Variants in STX7 observed in about 807,000 individuals in gnomAD.
The protein encoded by STX7 is syntaxin-7.
A neutral mutation model predicts 39.6 loss-of-function variants in STX7; 34 were observed. That is an observed-to-expected ratio of 0.86 (90% confidence interval 0.65 to 1.14). The LOEUF (loss-of-function observed/expected upper bound fraction) is 1.14. Ranked by LOEUF, STX7 falls within the 50% of genes most tolerant of loss-of-function variation. STX7 has a pLI of 0.00. For missense variants in STX7, 284 were observed against 310.4 expected, an observed-to-expected ratio of 0.92 and a Z score of 0.64; for synonymous variants, 119 against 99.1, an observed-to-expected ratio of 1.20 and a Z score of -1.19.
chr6:132,479,987 A>C (rs1320838241), intron 2 of STX7, among the ~76,000 whole-genome samples: 1 of 152,062 alleles, frequency 6.6e-6, no homozygotes, highest in Non-Finnish European at 1.5e-5. Context: ...ATCTTGGAGG[A>C]GGCAGAATTT....
intron 2 of STX7, among the ~76,000 whole-genome samples, chr6:132,476,513 G>A (rs1204433278): frequency 2.0e-5 from 3 of 152,046 alleles, no homozygotes; most frequent in African/African-American, 7.2e-5. Context: ...ATACCCAAAA[G>A]ACACTGTATG....
At position 132,474,355 on chromosome 6, in the gene STX7, T is replaced by C. The variant is rs73776239; in HGVS notation, c.155+1238A>G. The stretch of plus-strand genomic sequence containing the variant: ...ACTTCTATTCCATTTTACTTTAGTT[T>C]AATGAATTGTGGTTTATTATTTAGA... On this transcript the variant is annotated intron_variant, in intron 3 of 9. Coordinates refer to ENST00000367941, the MANE Select transcript of STX7 (RefSeq NM_003569.3). Among the ~76,000 whole-genome samples, 489 of 152,292 alleles carry C rather than the reference T, an allele frequency of 3.2e-3. 2 individuals carry two copies. Among genetic ancestry groups the C allele is most frequent in the African/African-American group, 0.011 (456 of 41,570 alleles).
At chr6:132,489,186 G>T (rs943214312) in intron 2 of STX7, among the ~76,000 whole-genome samples, 2 of 131,316 alleles carry the variant, frequency 1.5e-5, no homozygotes, top group East Asian at 2.5e-4. Flanking sequence ...GGGCAACAGA[G>T]TGGGACTCTG....
At position 132,451,132 on chromosome 6, in the gene STX7, C is replaced by A. The variant is rs945109725; in HGVS notation, c.*9626G>T. On this transcript the variant is annotated 3_prime_UTR_variant, in exon 10 of 10. Coordinates refer to ENST00000367941, the MANE Select transcript of STX7 (RefSeq NM_003569.3). ...TTTTTTTTTGACAAGGAGTCTCGTT[C>A]TGTTGCTCAGACTGGAGTACAGTGG... The A allele has an allele frequency of 1.4e-5, 2 of 145,024 alleles. No homozygotes were observed. The highest frequency in any genetic ancestry group is 5.2e-5 in the African/African-American group (2 of 38,418). The allele number at this position is 145,024 out of a possible 1,614,324, so 9.0% of individuals were successfully genotyped here.
chr6:132,495,206 C>T (rs1329331185), intron 2 of STX7, among the ~76,000 whole-genome samples: 4 of 152,102 alleles, frequency 2.6e-5, no homozygotes, highest in South Asian at 2.1e-4. Flanking sequence ...CACTCATATC[C>T]GGCCATAAAC....
chr6:132,483,829 T>C (rs9483462), intron 2 of STX7, among the ~76,000 whole-genome samples: 2,427 of 152,232 alleles, frequency 0.016, 51 homozygotes, highest in African/African-American at 0.053. Flanking sequence ...AGGTTTCTAG[T>C]CAGATGACAA....
chr6:132,447,610 T>C lies in STX7; in HGVS notation c.*13148A>G, dbSNP rs1774042232. ...TTACTTTAATAACTTTGTTTAGAAC[T>C]GTTATACCTACTTCAGTTGAAATTT... On this transcript the variant is annotated 3_prime_UTR_variant, in exon 10 of 10. Transcript: ENST00000367941. 1 of 152,150 alleles carries C rather than the reference T, an allele frequency of 6.6e-6. No individual in the cohort carries two copies. Among genetic ancestry groups the C allele is most frequent in the Non-Finnish European group, 1.5e-5 (1 of 67,996 alleles). The allele number at this position is 152,150 out of a possible 1,614,324, so 9.4% of individuals were successfully genotyped here.
chr6:132,471,628 T>A (rs1203866697), intron 4 of STX7, 28 bp from the exon 5 acceptor site: 8 of 1,605,866 alleles, frequency 5.0e-6, no homozygotes, highest in Admixed American at 1.7e-5. Flanking sequence ...AAAAGCCAAC[T>A]AGAATCTAGC....
At chr6:132,480,648 T>C (rs917057874) in intron 2 of STX7, among the ~76,000 whole-genome samples, 3 of 152,136 alleles carry the variant, frequency 2.0e-5, no homozygotes, top group Non-Finnish European at 4.4e-5. Flanking sequence ...GGCCTGATAA[T>C]ACTGCCATCT....
At chr6:132,497,453 G>A (rs1775445124) in intron 2 of STX7, among the ~76,000 whole-genome samples, 1 of 152,172 alleles carries the variant, frequency 6.6e-6, no homozygotes, top group Non-Finnish European at 1.5e-5. Context: ...ACTAAGGAAT[G>A]TTCTATTTCT....
chr6:132,513,335 CTTCT>C (rs1018207488), upstream of STX7: 65 of 152,270 alleles, frequency 4.3e-4, no homozygotes, highest in African/African-American at 1.4e-3. Flanking sequence ...GGACAGTTGT[CTTCT>C]TTATCTGGTG....
chr6:132,463,051 A>C (rs1308870096), intron 9 of STX7, among the ~76,000 whole-genome samples: 2 of 151,978 alleles, frequency 1.3e-5, no homozygotes, highest in Non-Finnish European at 2.9e-5. Flanking sequence ...GCAAAACTCT[A>C]TCTCTACAAA....
Position 132,454,447 on chromosome 6 carries a change from A to T in STX7, c.*6311T>A, listed in dbSNP as rs1049641774. On this transcript the variant is annotated 3_prime_UTR_variant, in exon 10 of 10. Transcript: ENST00000367941. ...TTTTGAAAGATGTTCACTGTGTGGGAAACAAAGTGAAAGGTACACGAAAGA... is the reference window on the plus strand; with the variant it reads ...TTTTGAAAGATGTTCACTGTGTGGGTAACAAAGTGAAAGGTACACGAAAGA... 1 of 152,164 alleles carries T rather than the reference A, an allele frequency of 6.6e-6. No homozygotes were observed. Among genetic ancestry groups the T allele is most frequent in the Non-Finnish European group, 1.5e-5 (1 of 68,016 alleles). The allele number at this position is 152,164 out of a possible 1,614,324, so 9.4% of individuals were successfully genotyped here.
rs1349935252 is a variant in STX7, at chr6:132,450,989, C to G, written c.*9769G>C. The G allele has an allele frequency of 6.6e-6, 1 of 151,452 alleles. No individual in the cohort carries two copies. The highest frequency in any genetic ancestry group is 1.5e-5 in the Non-Finnish European group (1 of 67,896). 9.4% of individuals were successfully genotyped at this position (151,452 alleles called of 1,614,324 possible). ...TACATCATGGTTAAACAACTAAAAACTAAACACAAAGGAAAAAAAGAAAAA... is the reference window on the plus strand; with the variant it reads ...TACATCATGGTTAAACAACTAAAAAGTAAACACAAAGGAAAAAAAGAAAAA... On this transcript the variant is annotated 3_prime_UTR_variant, in exon 10 of 10. Coordinates refer to ENST00000367941, the MANE Select transcript of STX7 (RefSeq NM_003569.3).
At chr6:132,464,285 G>A (rs1036937773) in intron 8 of STX7, among the ~76,000 whole-genome samples, 1 of 152,132 alleles carries the variant, frequency 6.6e-6, no homozygotes, top group African/African-American at 2.4e-5. Flanking sequence ...CAATATAAGA[G>A]CATTTGTATA....
chr6:132,507,049 A>C (rs1340041622), intron 1 of STX7, among the ~76,000 whole-genome samples: 1 of 152,256 alleles, frequency 6.6e-6, no homozygotes, highest in African/African-American at 2.4e-5. Flanking sequence ...GAAATGACTC[A>C]GAAAAAAGTC....
rs572710773 is a variant in STX7 at position 132,507,528 on chromosome 6, C to T, written c.-58-3940G>A. Among the ~76,000 whole-genome samples the T allele has an allele frequency of 2.6e-5, 4 of 152,312 alleles. No homozygotes were observed. The South Asian group carries it at 6.2e-4, about 24-fold the overall frequency. On this transcript the variant is annotated intron_variant, in intron 1 of 9. Transcript: ENST00000367941. ...TCTACTTTGTATCTTTATAGCTTTG[C>T]TATTCTGGACATTTCATAGGAATGG...
chr6:132,469,834 C>A (rs1377362519), intron 7 of STX7, 117 bp downstream of exon 7: 1 of 761,268 alleles, frequency 1.3e-6, no homozygotes, highest in African/African-American at 1.9e-5. Flanking sequence ...GGGAGACTGT[C>A]TCAAAAAGAA....
chr6:132,477,430 AAAT>A lies in STX7; in HGVS notation c.86-1771_86-1769del, dbSNP rs1446908039. On this transcript the variant is annotated intron_variant, in intron 2 of 9. Transcript: ENST00000367941. ...GGAAAAAATCATAGCAAGTGAGAAAAAATAAATTATTTAATAAATGACACCAGG... is the reference window on the plus strand; with the variant it reads ...GGAAAAAATCATAGCAAGTGAGAAAAAAATTATTTAATAAATGACACCAGG... Among the ~76,000 whole-genome samples the A allele has an allele frequency of 3.3e-5, 5 of 152,248 alleles. No individual in the cohort carries two copies. The East Asian group carries it at 9.6e-4, about 29-fold the overall frequency.
Sources: gnomAD v4.1 joint callset for allele counts (sites outside exome capture counted in the v4.1 genomes callset) on GRCh38, gnomAD v4.1.1 for gene constraint, MANE v1.5 for transcripts, NCBI Gene and HGNC (gene_info 2026-07-23, HGNC 2026-07-21) for gene names.